The following UCN2 variants were observed in gnomAD, a reference collection of about 807,000 sequenced individuals.
The protein encoded by UCN2 is urocortin-2.
A neutral mutation model predicts 1.6 loss-of-function variants in UCN2; 3 were observed. The observed-to-expected ratio is 1.88, with a 90% CI of 0.85 to 4.85. The LOEUF is 4.85. Among genes scored for constraint, UCN2 ranks in the 30% most tolerant of loss-of-function variants. The probability of loss-of-function intolerance (pLI) is 0.02; values close to 1 mark genes in which losing one functional copy is unlikely to be tolerated. For synonymous variants in UCN2, 64 were observed against 66.0 expected, an observed-to-expected ratio of 0.97 and a Z score of 0.15; for missense variants, 127 against 150.8, an observed-to-expected ratio of 0.84 and a Z score of 0.83.
In UCN2 at chr3:48,563,303, AGAG is replaced by A. The variant is rs1350458245; in HGVS notation, c.-12-170_-12-168del. Among the ~76,000 whole-genome samples, 1 of 151,676 alleles carries A rather than the reference AGAG, an allele frequency of 6.6e-6. No homozygotes were observed. Among genetic ancestry groups the A allele is most frequent in the African/African-American group, 2.4e-5 (1 of 41,224 alleles). ...GGCCAGAGACAGAGAAGGGGAGACAAGAGGAGAGCCAGAATGAGACAAAGAGGC... is the reference window on the plus strand; with the variant it reads ...GGCCAGAGACAGAGAAGGGGAGACAAGAGAGCCAGAATGAGACAAAGAGGC... On this transcript the variant is annotated intron_variant, in intron 1 of 1. Coordinates refer to ENST00000273610, the MANE Select transcript of UCN2 (RefSeq NM_033199.4). The surrounding 1 kb of genome is among the most constrained non-coding windows in gnomAD (Gnocchi z 4.5).
Position 48,563,301 on chromosome 3 carries a change from C to A in UCN2, c.-12-165G>T, listed in dbSNP as rs914992898. On this transcript the variant is annotated intron_variant, in intron 1 of 1. Coordinates refer to ENST00000273610, the MANE Select transcript of UCN2 (RefSeq NM_033199.4). This position sits in a 1 kb window ranked among gnomAD's most constrained non-coding sequence, Gnocchi z 4.5. ...CAGGCCAGAGACAGAGAAGGGGAGA[C>A]AAGAGGAGAGCCAGAATGAGACAAA... Among the ~76,000 whole-genome samples the A allele has an allele frequency of 6.8e-6, 1 of 147,350 alleles. No homozygotes were observed. Among genetic ancestry groups the A allele is most frequent in the African/African-American group, 2.5e-5 (1 of 39,544 alleles).
chr3:48,563,223 G>T lies in UCN2; in HGVS notation c.-12-87C>A. The T allele has an allele frequency of 1.7e-6, 2 of 1,192,834 alleles. No individual in the cohort carries two copies. The highest frequency in any genetic ancestry group is 2.4e-6 in the Non-Finnish European group (2 of 848,544). The allele number at this position is 1,192,834 out of a possible 1,614,324, so 73.9% of individuals were successfully genotyped here. On this transcript the variant is annotated intron_variant, in intron 1 of 1. Coordinates refer to ENST00000273610, the MANE Select transcript of UCN2 (RefSeq NM_033199.4). The surrounding 1 kb of genome is among the most constrained non-coding windows in gnomAD (Gnocchi z 4.5). ...CAGATGGCAAGGGCAGAGTGACAGA[G>T]CGGGGGATGGAGAGAGAGGAAGACA...
In UCN2 at chr3:48,563,219, CAGAGCGGGGGA is replaced by C. The variant is rs1468455079; in HGVS notation, c.-12-94_-12-84del. On this transcript the variant is annotated intron_variant, in intron 1 of 1. Transcript: ENST00000273610. The surrounding 1 kb of genome is among the most constrained non-coding windows in gnomAD (Gnocchi z 4.5). ...GAGACAGATGGCAAGGGCAGAGTGA[CAGAGCGGGGGA>C]TGGAGAGAGAGGAAGACACCGAGAA... 2 of 1,230,732 alleles carry C rather than the reference CAGAGCGGGGGA, an allele frequency of 1.6e-6. No homozygotes were observed. Among genetic ancestry groups the C allele is most frequent in the Non-Finnish European group, 2.3e-6 (2 of 879,070 alleles). The allele number at this position is 1,230,732 out of a possible 1,614,324, so 76.2% of individuals were successfully genotyped here.
Position 48,563,119 on chromosome 3 carries a change from GGT to G in UCN2, c.4_5del (p.Thr2GlnfsTer320). The G allele has an allele frequency of 6.2e-7, 1 of 1,608,934 alleles. No individual in the cohort carries two copies. The highest frequency in any genetic ancestry group is 8.5e-7 in the Non-Finnish European group (1 of 1,178,328). The stretch of plus-strand genomic sequence containing the variant: ...CCATCAGCAACAGCAGAGCACACCT[GGT>G]CATCGTGAGGTCAGGCTGCAAGGAG... M[T>X]RCALLLLMVL... On this transcript the variant is annotated frameshift_variant, in exon 2 of 2. Transcript: ENST00000273610. LOFTEE classifies it low-confidence loss of function (END_TRUNC). The surrounding 1 kb of genome is among the most constrained non-coding windows in gnomAD (Gnocchi z 4.5).
rs2043453093 is a variant in UCN2 at position 48,562,735 on chromosome 3, C to T, written c.*51G>A. On this transcript the variant is annotated 3_prime_UTR_variant, in exon 2 of 2. Transcript: ENST00000273610. This position sits in a 1 kb window ranked among gnomAD's most constrained non-coding sequence, Gnocchi z 4.3. ...TCCGTCCAGCTGTGTGGCTGCCCTC[C>T]AGGTCTTCCCATCCAGGGTGGCCCT... is the stretch of plus-strand genomic sequence containing the variant. The T allele has an allele frequency of 6.8e-7, 1 of 1,478,754 alleles. No individual in the cohort carries two copies. The highest frequency in any genetic ancestry group is 1.4e-5 in the African/African-American group (1 of 71,556). 91.6% of individuals were successfully genotyped at this position (1,478,754 alleles called of 1,614,324 possible). A position where few individuals can be genotyped will look rare whatever the true frequency, so the allele number is the denominator to read the frequency against.
rs914550368 is a variant in UCN2, at chr3:48,561,863, C to A, written c.*923G>T. The A allele has an allele frequency of 1.3e-5, 2 of 152,312 alleles. No individual in the cohort carries two copies. Among genetic ancestry groups the A allele is most frequent in the African/African-American group, 4.8e-5 (2 of 41,480 alleles). 9.4% of individuals were successfully genotyped at this position (152,312 alleles called of 1,614,324 possible). A position where few individuals can be genotyped will look rare whatever the true frequency, so the allele number is the denominator to read the frequency against. ...GGAAACCGAGGCTCGGAAAGGTGAA[C>A]ACCTTTGCCCAGGACAGTCCGTGCG... On this transcript the variant is annotated 3_prime_UTR_variant, in exon 2 of 2. Coordinates refer to ENST00000273610, the MANE Select transcript of UCN2 (RefSeq NM_033199.4). The surrounding 1 kb of genome is among the most constrained non-coding windows in gnomAD (Gnocchi z 5.2).
chr3:48,562,421 G>A lies in UCN2; in HGVS notation c.*365C>T. 1 of 276,780 alleles carries A rather than the reference G, an allele frequency of 3.6e-6. No individual in the cohort carries two copies. The highest frequency in any genetic ancestry group is 6.9e-6 in the Non-Finnish European group (1 of 145,806). The allele number at this position is 276,780 out of a possible 1,614,324, so 17.1% of individuals were successfully genotyped here. ...CGGTGTCCAGGTGTTCTGTGACTAT[G>A]GGGCACCCAGACATAGCAAGACTCG... On this transcript the variant is annotated 3_prime_UTR_variant, in exon 2 of 2. Transcript: ENST00000273610. This position sits in a 1 kb window ranked among gnomAD's most constrained non-coding sequence, Gnocchi z 4.3.
rs1232046619 is a variant in UCN2 at position 48,562,850 on chromosome 3, G to A, written c.275C>T (p.Ala92Val). ...LLQILLEQAR[A>V]RAAREQATTN... ...GGTGGCCTGCTCCCTGGCAGCCCTG[G>A]CCCGGGCTTGCTCCAGTAAGATCTG... Residue 92 changes from alanine (A) to valine (V), a missense_variant, in exon 2 of 2, where the codon GCC becomes GTC. Ala to Val is a moderately conservative substitution (Grantham distance 64). Transcript: ENST00000273610. This position sits in a 1 kb window ranked among gnomAD's most constrained non-coding sequence, Gnocchi z 4.3. 6.3e-7 allele frequency: 1 copy of A among 1,587,268 alleles called. No homozygotes were observed. The highest frequency in any genetic ancestry group is 2.3e-5 in the East Asian group (1 of 43,844).
rs41455847 is a variant in UCN2, at chr3:48,563,473, T to G, written c.-13+230A>C. On this transcript the variant is annotated intron_variant, in intron 1 of 1. Coordinates refer to ENST00000273610, the MANE Select transcript of UCN2 (RefSeq NM_033199.4). This position sits in a 1 kb window ranked among gnomAD's most constrained non-coding sequence, Gnocchi z 4.5. ...GAAACCATCCCAGAGACAGACAGCA[T>G]GATGGAAAGAAAGATTCAGACAGAA... is the stretch of plus-strand genomic sequence containing the variant. 8.9e-3 allele frequency among the ~76,000 whole-genome samples: 1,350 copies of G among 151,700 alleles called. 6 individuals are homozygous for G. The highest frequency in any genetic ancestry group is 0.017 in the Middle Eastern group (5 of 294).
chr3:48,562,770 A>AC lies in UCN2; in HGVS notation c.*15dup, dbSNP rs754731072. On this transcript the variant is annotated 3_prime_UTR_variant, in exon 2 of 2. Transcript: ENST00000273610. This position sits in a 1 kb window ranked among gnomAD's most constrained non-coding sequence, Gnocchi z 4.3. The stretch of plus-strand genomic sequence containing the variant: ...CATCCAGGGTGGCCCTATCACTGTG[A>AC]CCCCCTCTCTCAGGCTCAGCAGTGG... 1 of 1,530,868 alleles carries AC rather than the reference A, an allele frequency of 6.5e-7. No individual in the cohort carries two copies. The highest frequency in any genetic ancestry group is 1.2e-5 in the South Asian group (1 of 82,440). The allele number at this position is 1,530,868 out of a possible 1,614,324, so 94.8% of individuals were successfully genotyped here.
rs747949979 is a variant in UCN2, at chr3:48,562,901, G to A, written c.224C>T (p.Ser75Leu). 11 of 1,605,494 alleles carry A rather than the reference G, an allele frequency of 6.9e-6. No homozygotes were observed. The highest frequency in any genetic ancestry group is 4.5e-5 in the East Asian group (2 of 44,630). ...CAAGAGGCCGATGGGGACATCCAGC[G>A]ATAGGACAATGCGCGAGCCAGGGTG... is the stretch of plus-strand genomic sequence containing the variant. ...TRHPGSRIVL[S>L]LDVPIGLLQI... The change falls in exon 2 of 2, where the codon TCG (serine) becomes TTG (leucine). Residue 75 changes from serine (S) to leucine (L), a missense_variant. Transcript: ENST00000273610. This position sits in a 1 kb window ranked among gnomAD's most constrained non-coding sequence, Gnocchi z 4.3.
In UCN2 at chr3:48,563,194, G is replaced by C. The variant is rs2043465873; in HGVS notation, c.-12-58C>G. ...TCTGGTCAACTGGGGTCCATGGACA[G>C]AGACAGATGGCAAGGGCAGAGTGAC... is the stretch of plus-strand genomic sequence containing the variant. On this transcript the variant is annotated intron_variant, in intron 1 of 1. Coordinates refer to ENST00000273610, the MANE Select transcript of UCN2 (RefSeq NM_033199.4). The surrounding 1 kb of genome is among the most constrained non-coding windows in gnomAD (Gnocchi z 4.5). 12 of 1,440,356 alleles carry C rather than the reference G, an allele frequency of 8.3e-6. No homozygotes were observed. The highest frequency in any genetic ancestry group is 1.3e-5 in the South Asian group (1 of 77,844). 89.2% of individuals were successfully genotyped at this position (1,440,356 alleles called of 1,614,324 possible).
Position 48,563,274 on chromosome 3 carries a change from G to C in UCN2, c.-12-138C>G, listed in dbSNP as rs555245106. 1.6e-4 allele frequency: 109 copies of C among 698,556 alleles called. No homozygotes were observed. The highest frequency in any genetic ancestry group is 3.2e-4 in the Middle Eastern group (1 of 3,122). 43.3% of individuals were successfully genotyped at this position (698,556 alleles called of 1,614,324 possible). A position where few individuals can be genotyped will look rare whatever the true frequency, so the allele number is the denominator to read the frequency against. On this transcript the variant is annotated intron_variant, in intron 1 of 1. Transcript: ENST00000273610. The surrounding 1 kb of genome is among the most constrained non-coding windows in gnomAD (Gnocchi z 4.5). ...CCGAGAAAGGGGTTAGAGAGGCCAGGCCAGGCCAGAGACAGAGAAGGGGAG... is the reference window on the plus strand; with the variant it reads ...CCGAGAAAGGGGTTAGAGAGGCCAGCCCAGGCCAGAGACAGAGAAGGGGAG...
chr3:48,563,070 C>T lies in UCN2; in HGVS notation c.55G>A (p.Val19Ile), dbSNP rs756392975. ...LMVLMLGRVL[V>I]VPVTPIPTFQ... ...GTTGGGATAGGGGTCACTGGGACAACCAGGACTCTGCCCAACATCAGGACC... is the reference window on the plus strand; with the variant it reads ...GTTGGGATAGGGGTCACTGGGACAATCAGGACTCTGCCCAACATCAGGACC... Residue 19 changes from valine to isoleucine, a missense_variant, in exon 2 of 2, where the codon GTT becomes ATT. By Grantham distance (29) the Val-to-Ile change is conservative. Coordinates refer to ENST00000273610, the MANE Select transcript of UCN2 (RefSeq NM_033199.4). This position sits in a 1 kb window ranked among gnomAD's most constrained non-coding sequence, Gnocchi z 4.5. 6.2e-7 allele frequency: 1 copy of T among 1,611,976 alleles called. No homozygotes were observed. The highest frequency in any genetic ancestry group is 2.2e-5 in the East Asian group (1 of 44,796).
At position 48,561,751 on chromosome 3, in the gene UCN2, A is replaced by G. The variant is rs1015904709; in HGVS notation, c.*1035T>C. ...CCCATCCTTCAGTCGCTTTGTGTTTATTGAGCACCTCCTGCTGCAGGACCT... is the reference window on the plus strand; with the variant it reads ...CCCATCCTTCAGTCGCTTTGTGTTTGTTGAGCACCTCCTGCTGCAGGACCT... On this transcript the variant is annotated 3_prime_UTR_variant, in exon 2 of 2. Coordinates refer to ENST00000273610, the MANE Select transcript of UCN2 (RefSeq NM_033199.4). The surrounding 1 kb of genome is among the most constrained non-coding windows in gnomAD (Gnocchi z 5.2). 1 of 146,020 alleles carries G rather than the reference A, an allele frequency of 6.8e-6. No individual in the cohort carries two copies. The highest frequency in any genetic ancestry group is 2.7e-5 in the African/African-American group (1 of 37,446). 9.0% of individuals were successfully genotyped at this position (146,020 alleles called of 1,614,324 possible). A position where few individuals can be genotyped will look rare whatever the true frequency, so the allele number is the denominator to read the frequency against.
rs2043449213 is a variant in UCN2 at position 48,562,596 on chromosome 3, G to T, written c.*190C>A. On this transcript the variant is annotated 3_prime_UTR_variant, in exon 2 of 2. Coordinates refer to ENST00000273610, the MANE Select transcript of UCN2 (RefSeq NM_033199.4). This position sits in a 1 kb window ranked among gnomAD's most constrained non-coding sequence, Gnocchi z 4.3. ...CTGTCCAGACACACTGTGACTCTGT[G>T]GGGCACTCAGATCTGATATGACCTG... The T allele has an allele frequency of 1.6e-6, 1 of 619,124 alleles. No individual in the cohort carries two copies. The highest frequency in any genetic ancestry group is 2.7e-6 in the Non-Finnish European group (1 of 363,686). The allele number at this position is 619,124 out of a possible 1,614,324, so 38.4% of individuals were successfully genotyped here. A position where few individuals can be genotyped will look rare whatever the true frequency, so the allele number is the denominator to read the frequency against.
chr3:48,563,126 G>C lies in UCN2; in HGVS notation c.-2C>G, dbSNP rs142687169. 3.1e-6 allele frequency: 5 copies of C among 1,606,626 alleles called. No homozygotes were observed. The highest frequency in any genetic ancestry group is 2.2e-5 in the East Asian group (1 of 44,602). On this transcript the variant is annotated 5_prime_UTR_variant, in exon 2 of 2. Coordinates refer to ENST00000273610, the MANE Select transcript of UCN2 (RefSeq NM_033199.4). This position sits in a 1 kb window ranked among gnomAD's most constrained non-coding sequence, Gnocchi z 4.5. ...CAACAGCAGAGCACACCTGGTCATC[G>C]TGAGGTCAGGCTGCAAGGAGAAAAT...
At position 48,562,650 on chromosome 3, in the gene UCN2, C is replaced by T; in HGVS notation, c.*136G>A. ...GACAGTGGCTCCATGTGGCAGTGTCCAGACACTGTATGCCCAGATGTGGCA... is the reference window on the plus strand; with the variant it reads ...GACAGTGGCTCCATGTGGCAGTGTCTAGACACTGTATGCCCAGATGTGGCA... On this transcript the variant is annotated 3_prime_UTR_variant, in exon 2 of 2. Coordinates refer to ENST00000273610, the MANE Select transcript of UCN2 (RefSeq NM_033199.4). This position sits in a 1 kb window ranked among gnomAD's most constrained non-coding sequence, Gnocchi z 4.3. 1 of 846,718 alleles carries T rather than the reference C, an allele frequency of 1.2e-6. No individual in the cohort carries two copies. Among genetic ancestry groups the T allele is most frequent in the Non-Finnish European group, 1.8e-6 (1 of 561,534 alleles). 52.5% of individuals were successfully genotyped at this position (846,718 alleles called of 1,614,324 possible). A position where few individuals can be genotyped will look rare whatever the true frequency, so the allele number is the denominator to read the frequency against.
In UCN2 at chr3:48,562,863, CCA is replaced by C; in HGVS notation, c.260_261del (p.Leu87ArgfsTer235). 1.3e-6 allele frequency: 2 copies of C among 1,594,734 alleles called. No homozygotes were observed. Among genetic ancestry groups the C allele is most frequent in the African/African-American group, 2.7e-5 (2 of 74,688 alleles). On this transcript the variant is annotated frameshift_variant, in exon 2 of 2. Transcript: ENST00000273610. LOFTEE classifies it high-confidence loss of function. The surrounding 1 kb of genome is among the most constrained non-coding windows in gnomAD (Gnocchi z 4.3). ...DVPIGLLQIL[L>X]EQARARAARE... ...CTGGCAGCCCTGGCCCGGGCTTGCT[CCA>C]GTAAGATCTGCAAGAGGCCGATGGG... is the stretch of plus-strand genomic sequence containing the variant.
Sources: allele counts gnomAD v4.1 joint callset (sites outside exome capture counted in the v4.1 genomes callset), GRCh38; gene constraint gnomAD v4.1.1; non-coding constraint Gnocchi (gnomAD v3.1); transcripts MANE v1.5; gene names NCBI Gene and HGNC (gene_info 2026-07-23, HGNC 2026-07-21).